SLC38A3: variants seen among roughly 807,000 people sequenced by gnomAD.
SLC38A3 encodes the protein sodium-coupled neutral amino acid transporter 3.
In SLC38A3, 17 loss-of-function variants were observed where a neutral mutation model predicts 59.5. That is an observed-to-expected ratio of 0.29 (90% confidence interval 0.20 to 0.43). The LOEUF is 0.43. SLC38A3 is among the 20% of genes least tolerant of loss of function. The pLI, the probability that SLC38A3 is intolerant of heterozygous loss-of-function variation, is 1.00. For missense variants in SLC38A3, 454 were observed against 653.9 expected (o/e 0.69, Z 3.33); for synonymous variants, 238 against 260.3 (o/e 0.91, Z 0.82).
rs12635271 is a variant in SLC38A3, at chr3:50,213,837, C to T, written c.-51-312C>T. On this transcript the variant is annotated intron_variant, in intron 1 of 15. Coordinates refer to ENST00000614032, the MANE Select transcript of SLC38A3 (RefSeq NM_006841.6). The stretch of plus-strand genomic sequence containing the variant: ...GATGCTGGTGCCACTGGGCTCTGAA[C>T]TCGGGTCATCCAGATGACCGTCACT... Among the ~76,000 whole-genome samples, 135 of 152,342 alleles carry T rather than the reference C, an allele frequency of 8.9e-4. 1 individual carries two copies. In the East Asian group the frequency reaches 0.016, roughly 18 times the overall value.
In SLC38A3 at chr3:50,218,880, G is replaced by A; in HGVS notation, c.1238G>A (p.Gly413Asp). The A allele has an allele frequency of 6.2e-7, 1 of 1,613,688 alleles. No homozygotes were observed. Among genetic ancestry groups the A allele is most frequent in the South Asian group, 1.1e-5 (1 of 91,080 alleles). Residue 413 changes from glycine (G) to aspartate (D), a missense_variant, in exon 14 of 16, where the codon GGC (glycine) becomes GAC (aspartate). Transcript: ENST00000614032. This position sits in a 1 kb window ranked among gnomAD's most constrained non-coding sequence, Gnocchi z 5.8. The part of the protein sequence containing the change: ...SWLRHVLIAV[G>D]LLTCINLLVI... ...CTGCGGCATGTGCTTATTGCCGTTG[G>A]CCTGCTCACTTGTATCAACCTGCTG...
In SLC38A3 at chr3:50,218,433, A is replaced by C. The variant is rs749339853; in HGVS notation, c.1036+63A>C. ...TGGGGGGAAGGGGCTGGTTGTGGCC[A>C]TGGTGCCCTCCATACCGAGGCGTGT... On this transcript the variant is annotated intron_variant, in intron 12 of 15. Transcript: ENST00000614032. The surrounding 1 kb of genome is among the most constrained non-coding windows in gnomAD (Gnocchi z 5.8). The C allele has an allele frequency of 5.9e-6, 9 of 1,525,284 alleles. No individual in the cohort carries two copies. Among genetic ancestry groups the C allele is most frequent in the Non-Finnish European group, 7.3e-6 (8 of 1,099,904 alleles). 94.5% of individuals were successfully genotyped at this position (1,525,284 alleles called of 1,614,324 possible).
rs762128354 is a variant in SLC38A3, at chr3:50,218,879, G to A, written c.1237G>A (p.Gly413Ser). 6.2e-7 allele frequency: 1 copy of A among 1,613,696 alleles called. No homozygotes were observed. The highest frequency in any genetic ancestry group is 1.1e-5 in the South Asian group (1 of 91,078). ...SWLRHVLIAV[G>S]LLTCINLLVI... ...GCTGCGGCATGTGCTTATTGCCGTT[G>A]GCCTGCTCACTTGTATCAACCTGCT... The change falls in exon 14 of 16, where the codon GGC becomes AGC. Residue 413 changes from glycine to serine, a missense_variant. Transcript: ENST00000614032. The surrounding 1 kb of genome is among the most constrained non-coding windows in gnomAD (Gnocchi z 5.8).
At position 50,220,418 on chromosome 3, in the gene SLC38A3, G is replaced by T; in HGVS notation, c.*241G>T. The T allele has an allele frequency of 1.9e-6, 1 of 536,748 alleles. No individual in the cohort carries two copies. Among genetic ancestry groups the T allele is most frequent in the East Asian group, 3.2e-5 (1 of 31,058 alleles). The allele number at this position is 536,748 out of a possible 1,614,324, so 33.2% of individuals were successfully genotyped here. Reference sequence around the variant, plus strand: ...GGCTTCCTGAACTGGGAGCAGGGTAGGGCTGTCGCCTTAGATCCCGCCCAA... The same window carrying T: ...GGCTTCCTGAACTGGGAGCAGGGTATGGCTGTCGCCTTAGATCCCGCCCAA... On this transcript the variant is annotated 3_prime_UTR_variant, in exon 16 of 16. Transcript: ENST00000614032.
At chr3:50,207,236 G>A (rs541068363) in intron 1 of SLC38A3, 1 of 152,284 alleles carries the variant, frequency 6.6e-6, no homozygotes, top group Non-Finnish European at 1.5e-5. Context: ...GTGTAGACAT[G>A]GCCAGGGGCC....
Position 50,215,620 on chromosome 3 carries a change from G to A in SLC38A3, c.450G>A (p.Thr150=), listed in dbSNP as rs1402840471. ...AGCTGGCAGCAGCCCTGGCCATCAC[G>A]CTCCAGAACATCGGAGGTAAGAGCA... ...PGKLAAALAI[T]LQNIGAMSSY... The change falls in exon 6 of 16, where the codon ACG becomes ACA. Residue 150 remains threonine (T), a synonymous_variant. Transcript: ENST00000614032. The surrounding 1 kb of genome is among the most constrained non-coding windows in gnomAD (Gnocchi z 7.1). 3.7e-6 allele frequency: 6 copies of A among 1,613,586 alleles called. No homozygotes were observed. The highest frequency in any genetic ancestry group is 4.5e-5 in the East Asian group (2 of 44,868).
In SLC38A3 at chr3:50,220,327, G is replaced by A. The variant is rs587695618; in HGVS notation, c.*150G>A. 129 of 669,712 alleles carry A rather than the reference G, an allele frequency of 1.9e-4. 2 individuals are homozygous for A. The South Asian group carries it at 2.3e-3, about 12-fold the overall frequency. 41.5% of individuals were successfully genotyped at this position (669,712 alleles called of 1,614,324 possible). Reference sequence around the variant, plus strand: ...AGGCCCCATGTCCTCTCTGTGGAAGGTTTTTGTTCAAGAGCCAGGACCAAG... The same window carrying A: ...AGGCCCCATGTCCTCTCTGTGGAAGATTTTTGTTCAAGAGCCAGGACCAAG... On this transcript the variant is annotated 3_prime_UTR_variant, in exon 16 of 16. Coordinates refer to ENST00000614032, the MANE Select transcript of SLC38A3 (RefSeq NM_006841.6).
Position 50,208,936 on chromosome 3 carries a change from C to T in SLC38A3, c.-52+3588C>T, listed in dbSNP as rs568850450. ...GGATGTCTCCCCTCCTCCAGGCCGA[C>T]CTTGACTTTAGCCCCCCATCGGACT... On this transcript the variant is annotated intron_variant, in intron 1 of 15. Transcript: ENST00000614032. 9.8e-5 allele frequency among the ~76,000 whole-genome samples: 15 copies of T among 152,332 alleles called. No homozygotes were observed. The East Asian group carries it at 2.9e-3, about 29-fold the overall frequency.
rs1261048471 is a variant in SLC38A3 at position 50,217,714 on chromosome 3, C to T, written c.729C>T (p.Pro243=). ...YKKFHVPCPL[P]PNFNNTTGNF... ...AGTTCCACGTGCCCTGCCCACTGCC[C>T]CCCAACTTCAACAACACCACAGGCA... The change falls in exon 10 of 16, where the codon CCC becomes CCT. Residue 243 remains proline (P), a synonymous_variant. Coordinates refer to ENST00000614032, the MANE Select transcript of SLC38A3 (RefSeq NM_006841.6). The surrounding 1 kb of genome is among the most constrained non-coding windows in gnomAD (Gnocchi z 4.9). 2 of 1,613,946 alleles carry T rather than the reference C, an allele frequency of 1.2e-6. No homozygotes were observed. The highest frequency in any genetic ancestry group is 4.5e-5 in the East Asian group (2 of 44,884).
In SLC38A3 at chr3:50,215,662, A is replaced by G; in HGVS notation, c.466+26A>G. The G allele has an allele frequency of 6.2e-7, 1 of 1,612,368 alleles. No homozygotes were observed. The highest frequency in any genetic ancestry group is 8.5e-7 in the Non-Finnish European group (1 of 1,178,936). On this transcript the variant is annotated intron_variant, in intron 6 of 15. Transcript: ENST00000614032. This position sits in a 1 kb window ranked among gnomAD's most constrained non-coding sequence, Gnocchi z 7.1. The stretch of plus-strand genomic sequence containing the variant: ...GTAAGAGCAGTGGGCAGGGGCAGGC[A>G]GTAGGGAGGTGGACAGCCCTGAAAG...
At position 50,220,566 on chromosome 3, in the gene SLC38A3, G is replaced by A. The variant is rs779377152; in HGVS notation, c.*389G>A. The A allele has an allele frequency of 4.2e-6, 1 of 238,320 alleles. No homozygotes were observed. Among genetic ancestry groups the A allele is most frequent in the Non-Finnish European group, 8.3e-6 (1 of 120,632 alleles). 14.8% of individuals were successfully genotyped at this position (238,320 alleles called of 1,614,324 possible). A position where few individuals can be genotyped will look rare whatever the true frequency, so the allele number is the denominator to read the frequency against. On this transcript the variant is annotated 3_prime_UTR_variant, in exon 16 of 16. Transcript: ENST00000614032. ...CCTGCAGCCATCCCCCGACCCTGCT[G>A]CTAGGCCACGGTCTGCGCCCTGGGG...
Position 50,217,830 on chromosome 3 carries a change from T to G in SLC38A3, c.845T>G (p.Leu282Arg), listed in dbSNP as rs1699840641. 1 of 1,614,050 alleles carries G rather than the reference T, an allele frequency of 6.2e-7. No individual in the cohort carries two copies. Among genetic ancestry groups the G allele is most frequent in the African/African-American group, 1.3e-5 (1 of 75,060 alleles). ...SAFCTPSYFT[L>R]NSQTAYTIPI... is the part of the protein sequence containing the mutation. ...TTCTGCACTCCCAGCTACTTCACGCTCAACTCACAGGTTCTGACAGGTCAG... is the reference window on the plus strand; with the variant it reads ...TTCTGCACTCCCAGCTACTTCACGCGCAACTCACAGGTTCTGACAGGTCAG... Residue 282 changes from leucine to arginine, a missense_variant, in exon 10 of 16, where the codon CTC (leucine) becomes CGC (arginine). This residue lies in a region of SLC38A3 where 390 missense variants were observed against 557.9 expected (regional missense o/e 0.70). Coordinates refer to ENST00000614032, the MANE Select transcript of SLC38A3 (RefSeq NM_006841.6). The surrounding 1 kb of genome is among the most constrained non-coding windows in gnomAD (Gnocchi z 4.9).
At chr3:50,207,216 G>A (rs1322086172) in intron 1 of SLC38A3, 1 of 152,296 alleles carries the variant, frequency 6.6e-6, no homozygotes, top group Non-Finnish European at 1.5e-5. Context: ...CCCAGTGGGA[G>A]GATGTTTTAG....
rs1282209889 is a variant in SLC38A3 at position 50,218,258 on chromosome 3, A to G, written c.936-12A>G. On this transcript the variant is annotated splice_polypyrimidine_tract_variant and intron_variant, in intron 11 of 15. Coordinates refer to ENST00000614032, the MANE Select transcript of SLC38A3 (RefSeq NM_006841.6). This position sits in a 1 kb window ranked among gnomAD's most constrained non-coding sequence, Gnocchi z 5.8. ...GCTTGTCACCAACACCCACCCCCCC[A>G]CTTCCCCACAGCCCCTCCAAGAAGA... 1 of 1,150,958 alleles carries G rather than the reference A, an allele frequency of 8.7e-7. No individual in the cohort carries two copies. Among genetic ancestry groups the G allele is most frequent in the Admixed American group, 1.8e-5 (1 of 56,874 alleles). The allele number at this position is 1,150,958 out of a possible 1,614,324, so 71.3% of individuals were successfully genotyped here.
chr3:50,220,306 C>A lies in SLC38A3; in HGVS notation c.*129C>A. On this transcript the variant is annotated 3_prime_UTR_variant, in exon 16 of 16. Transcript: ENST00000614032. ...TTAACACTGTGGCATTCAGCCAGGC[C>A]CCATGTCCTCTCTGTGGAAGGTTTT... is the stretch of plus-strand genomic sequence containing the variant. 1.4e-6 allele frequency: 1 copy of A among 718,072 alleles called. No homozygotes were observed. Among genetic ancestry groups the A allele is most frequent in the Non-Finnish European group, 2.4e-6 (1 of 423,964 alleles). 44.5% of individuals were successfully genotyped at this position (718,072 alleles called of 1,614,324 possible). A position where few individuals can be genotyped will look rare whatever the true frequency, so the allele number is the denominator to read the frequency against.
At chr3:50,212,803 C>T (rs1699752187) in intron 1 of SLC38A3, among the ~76,000 whole-genome samples, 2 of 152,166 alleles carry the variant, frequency 1.3e-5, no homozygotes, top group South Asian at 4.1e-4. Flanking sequence ...CCCAGTGCTC[C>T]AGATTCAAGG....
At chr3:50,210,070 G>A (rs1010310407) in intron 1 of SLC38A3, among the ~76,000 whole-genome samples, 27 of 152,178 alleles carry the variant, frequency 1.8e-4, no homozygotes, top group Admixed American at 1.8e-3. Context: ...CAATTCCTAT[G>A]GCTGTGCCTT....
intron 1 of SLC38A3, among the ~76,000 whole-genome samples, chr3:50,206,465 C>T (rs1206796856): frequency 6.6e-6 from 1 of 152,244 alleles, no homozygotes; most frequent in Non-Finnish European, 1.5e-5. Flanking sequence ...TGGGATGGGG[C>T]TCATTTCCTT....
intron 1 of SLC38A3, among the ~76,000 whole-genome samples, chr3:50,211,088 A>G (rs1422212856): frequency 2.0e-5 from 3 of 152,146 alleles, no homozygotes; most frequent in Admixed American, 6.5e-5. Flanking sequence ...CCAGCCCTAG[A>G]GGGTCTACTC....
Sources: gnomAD v4.1 joint callset for allele counts (sites outside exome capture counted in the v4.1 genomes callset) on GRCh38, gnomAD v4.1.1 for gene constraint, gnomAD v4.1.1 regional missense constraint, Gnocchi (gnomAD v3.1) non-coding constraint, MANE v1.5 for transcripts, NCBI Gene and HGNC (gene_info 2026-07-23, HGNC 2026-07-21) for gene names.